Variants in CELF2 observed in about 807,000 individuals in gnomAD.
The protein encoded by CELF2 is CUGBP Elav-like family member 2, also known as CUG triplet repeat RNA-binding protein 2.
Under a neutral mutation model 62.6 loss-of-function variants are expected in CELF2, and 8 were observed. The ratio of observed to expected loss-of-function variants is 0.13; its 90% confidence interval spans 0.07 to 0.23. CELF2 has a LOEUF of 0.23. Ranked by LOEUF, CELF2 falls within the 10% of genes least tolerant of loss-of-function variation. The pLI, the probability that CELF2 is intolerant of heterozygous loss-of-function variation, is 1.00. For missense variants in CELF2, 333 were observed against 671.0 expected (o/e 0.50, Z 5.56); for synonymous variants, 258 against 250.0 (o/e 1.03, Z -0.30).
chr10:10,566,439 C>G, the CELF2 span, among the ~76,000 whole-genome samples: 1 of 144,042 alleles, frequency 6.9e-6, no homozygotes, highest in Non-Finnish European at 1.5e-5. Flanking sequence ...TTATTATACT[C>G]TAAGTTTTAG....
intron 1 of CELF2, among the ~76,000 whole-genome samples, chr10:11,027,318 T>C (rs1287542305): frequency 6.6e-6 from 1 of 152,214 alleles, no homozygotes; most frequent in Non-Finnish European, 1.5e-5. Flanking sequence ...TTTTACGCTC[T>C]GATGTCCGAA....
At chr10:10,992,481 C>T (rs917533698) in intron 2 of CELF2, among the ~76,000 whole-genome samples, 6 of 152,188 alleles carry the variant, frequency 3.9e-5, no homozygotes, top group Non-Finnish European at 8.8e-5. Flanking sequence ...ATTCCACTCA[C>T]TCTATTGTAC....
the CELF2 span, among the ~76,000 whole-genome samples, chr10:10,550,703 T>G: frequency 2.2e-3 from 329 of 146,762 alleles, 3 homozygotes; most frequent in Non-Finnish European, 9.2e-4. Context: ...TGTGATGTCT[T>G]TTTTTTTTTT....
the CELF2 span, among the ~76,000 whole-genome samples, chr10:10,668,497 G>A: frequency 2.0e-5 from 3 of 152,176 alleles, no homozygotes; most frequent in Admixed American, 6.5e-5. Context: ...TTCACGGTAC[G>A]CAGTTTGGGC....
At chr10:10,695,375 A>T in the CELF2 span, among the ~76,000 whole-genome samples, 168 of 131,856 alleles carry the variant, frequency 1.3e-3, 1 homozygote, top group African/African-American at 3.7e-3. Flanking sequence ...CCGAGAGATC[A>T]GCTGTTAGTC....
At chr10:10,485,598 C>T in the CELF2 span, among the ~76,000 whole-genome samples, 1 of 152,188 alleles carries the variant, frequency 6.6e-6, no homozygotes, top group South Asian at 2.1e-4. Flanking sequence ...AATCTCTGCT[C>T]TATTTGTGGC....
chr10:10,679,396 T>A, the CELF2 span, among the ~76,000 whole-genome samples: 1 of 152,094 alleles, frequency 6.6e-6, no homozygotes, highest in Non-Finnish European at 1.5e-5. Context: ...TTCAAGCCAT[T>A]CTCCCGCCTC....
chr10:10,802,555 GA>G (rs61612499), intron 1 of CELF2, among the ~76,000 whole-genome samples: 107,517 of 152,000 alleles, frequency 0.71, 38,283 homozygotes, highest in East Asian at 0.79. Flanking sequence ...AGACTTGAGA[GA>G]AAAAAAAGTT....
the CELF2 span, among the ~76,000 whole-genome samples, chr10:10,511,444 A>G: frequency 2.0e-5 from 3 of 152,086 alleles, no homozygotes; most frequent in Non-Finnish European, 4.4e-5. Context: ...ATATATGTAT[A>G]CATATATTTT....
intron 10 of CELF2, chr10:11,320,774 A>G: frequency 7.2e-7 from 1 of 1,382,052 alleles, no homozygotes; most frequent in African/African-American, 1.5e-5. Context: ...TTCCTCAAAG[A>G]GCCCAGTAAA....
At chr10:10,565,911 G>A in the CELF2 span, among the ~76,000 whole-genome samples, 2 of 152,182 alleles carry the variant, frequency 1.3e-5, no homozygotes, top group Admixed American at 1.3e-4. Flanking sequence ...TGAGGCAGTG[G>A]AGGTTGCCGT....
chr10:10,739,371 C>T, the CELF2 span, among the ~76,000 whole-genome samples: 11 of 152,208 alleles, frequency 7.2e-5, no homozygotes, highest in Admixed American at 3.3e-4. Context: ...TATACAAGTG[C>T]TAATCAATGA....
chr10:10,863,472 C>T (rs1057392805), intron 1 of CELF2, among the ~76,000 whole-genome samples: 2 of 152,120 alleles, frequency 1.3e-5, no homozygotes, highest in Non-Finnish European at 2.9e-5. Flanking sequence ...GCTATGTGAC[C>T]TTGGGCAAAG....
chr10:10,859,703 C>A (rs1417353602), intron 1 of CELF2, among the ~76,000 whole-genome samples: 1 of 152,108 alleles, frequency 6.6e-6, no homozygotes, highest in African/African-American at 2.4e-5. Flanking sequence ...AGTCAGGCCA[C>A]ACATTATGCC....
chr10:10,964,111 C>G (rs2049859162), intron 2 of CELF2, among the ~76,000 whole-genome samples: 1 of 152,104 alleles, frequency 6.6e-6, no homozygotes, highest in Non-Finnish European at 1.5e-5. Context: ...AAGAGCAGAG[C>G]ACTATTAAGA....
chr10:10,835,164 T>C (rs770732579), intron 1 of CELF2, among the ~76,000 whole-genome samples: 29 of 152,082 alleles, frequency 1.9e-4, no homozygotes, highest in Non-Finnish European at 3.4e-4. Flanking sequence ...TGTATTACTA[T>C]TTTTAGAGAC....
At chr10:11,291,908 G>C (rs943426260) in intron 9 of CELF2, among the ~76,000 whole-genome samples, 45 of 152,230 alleles carry the variant, frequency 3.0e-4, no homozygotes, top group African/African-American at 8.2e-4. Context: ...ATATTTTTTG[G>C]TATTTTTTGG....
chr10:10,553,501 C>A, the CELF2 span, among the ~76,000 whole-genome samples: 43,392 of 151,904 alleles, frequency 0.29, 7,868 homozygotes, highest in African/African-American at 0.52. Context: ...TTTAACATAT[C>A]TATTTGAGGA....
the CELF2 span, among the ~76,000 whole-genome samples, chr10:10,484,884 A>G: frequency 5.9e-5 from 9 of 152,288 alleles, no homozygotes; most frequent in African/African-American, 1.7e-4. Flanking sequence ...CCTGCATTCT[A>G]TATCAGCCCT....
Sources: gnomAD v4.1 joint callset for allele counts (sites outside exome capture counted in the v4.1 genomes callset) on GRCh38, gnomAD v4.1.1 for gene constraint, MANE v1.5 for transcripts, NCBI Gene and HGNC (gene_info 2026-07-23, HGNC 2026-07-21) for gene names.